SHANK1: variants seen among roughly 807,000 people sequenced by gnomAD.
SHANK1 encodes SH3 and multiple ankyrin repeat domains 1, also known as SH3 and multiple ankyrin repeat domains protein 1.
A neutral mutation model predicts 165.6 loss-of-function variants in SHANK1; 35 were observed. That is an observed-to-expected ratio of 0.21 (90% CI 0.16 to 0.28). SHANK1 has a LOEUF of 0.28. SHANK1 is among the 10% of genes least tolerant of loss of function. SHANK1 has a pLI of 1.00. For missense variants in SHANK1, 2,681 were observed against 3,036.4 expected (o/e 0.88, Z 2.75); for synonymous variants, 1,428 against 1,384.8 (o/e 1.03, Z -0.69).
In SHANK1 at chr19:50,702,690, G is replaced by A. The variant is rs760505615; in HGVS notation, c.1554-30C>T. ...GTACACAGAGGGCATGAGAGGAGGG[G>A]AGGGTGGAGGGAGGGGACACCTCTG... On this transcript the variant is annotated intron_variant, in intron 11 of 23. Transcript: ENST00000293441. The surrounding 1 kb of genome is among the most constrained non-coding windows in gnomAD (Gnocchi z 5.3). 64 of 1,475,936 alleles carry A rather than the reference G, an allele frequency of 4.3e-5. No individual in the cohort carries two copies. The highest frequency in any genetic ancestry group is 5.8e-5 in the Non-Finnish European group (64 of 1,095,214). The allele number at this position is 1,475,936 out of a possible 1,614,324, so 91.4% of individuals were successfully genotyped here.
chr19:50,700,828 G>A (rs1234996687), intron 12 of SHANK1, among the ~76,000 whole-genome samples: 2 of 151,946 alleles, frequency 1.3e-5, no homozygotes, highest in Admixed American at 6.6e-5. Flanking sequence ...CCAACCCCAC[G>A]TGCCTACATC....
At chr19:50,691,021 T>C (rs1043092631) in intron 15 of SHANK1, among the ~76,000 whole-genome samples, 16 of 152,084 alleles carry the variant, frequency 1.1e-4, no homozygotes, top group Non-Finnish European at 2.2e-4. Flanking sequence ...ACACCACGCA[T>C]GTTCACATGT....
chr19:50,697,769 C>A lies in SHANK1; in HGVS notation c.1861+74G>T. On this transcript the variant is annotated intron_variant, in intron 13 of 23. Transcript: ENST00000293441. This position sits in a 1 kb window ranked among gnomAD's most constrained non-coding sequence, Gnocchi z 4.7. ...TCCCATCTACCTCCCAGTACCCCACCCCCATTAGGAAGGGAAAGGAGTGGA... is the reference window on the plus strand; with the variant it reads ...TCCCATCTACCTCCCAGTACCCCACACCCATTAGGAAGGGAAAGGAGTGGA... 6.6e-7 allele frequency: 1 copy of A among 1,508,594 alleles called. No individual in the cohort carries two copies. The highest frequency in any genetic ancestry group is 9.2e-7 in the Non-Finnish European group (1 of 1,086,116). The allele number at this position is 1,508,594 out of a possible 1,614,324, so 93.5% of individuals were successfully genotyped here.
At chr19:50,676,429 C>T (rs546948214) in intron 21 of SHANK1, among the ~76,000 whole-genome samples, 1 of 152,148 alleles carries the variant, frequency 6.6e-6, no homozygotes, top group African/African-American at 2.4e-5. Context: ...GCAGGTGGAA[C>T]AGCAGGTGCA....
Position 50,662,335 on chromosome 19 carries a change from G to A in SHANK1, c.6116C>T (p.Pro2039Leu). 7 of 1,604,002 alleles carry A rather than the reference G, an allele frequency of 4.4e-6. No individual in the cohort carries two copies. The highest frequency in any genetic ancestry group is 6.0e-6 in the Non-Finnish European group (7 of 1,173,782). Residue 2039 changes from proline to leucine, a missense_variant, in exon 24 of 24, where the codon CCA (proline) becomes CTA (leucine). By Grantham distance (98) the Pro-to-Leu change is moderately conservative (BLOSUM62 -3). Transcript: ENST00000293441. The surrounding 1 kb of genome is among the most constrained non-coding windows in gnomAD (Gnocchi z 7.7). ...AGCCGAGCCTCCTGCCCCTCCAGTT[G>A]GGGAGCCACGGATGTCAAAGAGGCC... ...YPGLFDIRGSPTGGAGGSADP... is the reference protein window; with the variant it reads ...YPGLFDIRGSLTGGAGGSADP...
chr19:50,662,440 A>G lies in SHANK1; in HGVS notation c.6011T>C (p.Leu2004Pro), dbSNP rs761920863. ...GCTGACCTTGTGCTCCGAGGCGGGC[A>G]GCAGCGAGGGGCTGGGGGCCCGGCG... The part of the protein sequence containing the change: ...LLRRAPSPSL[L>P]PASEHKVSPA... The change falls in exon 24 of 24, where the codon CTG (leucine) becomes CCG (proline). Residue 2004 changes from leucine (L) to proline (P), a missense_variant. Around this residue, in one of 10 missense-constraint regions of SHANK1, gnomAD observed 1,713 missense variants for 1,630.2 expected, o/e 1.05. Coordinates refer to ENST00000293441, the MANE Select transcript of SHANK1 (RefSeq NM_016148.5). This position sits in a 1 kb window ranked among gnomAD's most constrained non-coding sequence, Gnocchi z 7.7. 1.3e-6 allele frequency: 2 copies of G among 1,554,978 alleles called. No individual in the cohort carries two copies. The highest frequency in any genetic ancestry group is 1.7e-6 in the Non-Finnish European group (2 of 1,151,088).
At chr19:50,669,368 A>G in intron 22 of SHANK1, 83 bp from the exon 23 acceptor site, 2 of 895,460 alleles carry the variant, frequency 2.2e-6, no homozygotes, top group South Asian at 3.1e-5. Flanking sequence ...CCGCAACAAT[A>G]CTAATGACAA....
intron 21 of SHANK1, among the ~76,000 whole-genome samples, chr19:50,672,487 T>C (rs1259218165): frequency 7.9e-6 from 1 of 126,528 alleles, no homozygotes. Flanking sequence ...GGTGGAGAGG[T>C]GGAGGCTACA....
intron 8 of SHANK1, among the ~76,000 whole-genome samples, chr19:50,708,582 C>T (rs2088972877): frequency 6.7e-6 from 1 of 149,778 alleles, no homozygotes; most frequent in Non-Finnish European, 1.5e-5. Flanking sequence ...AGTAGGTGCT[C>T]AAGGAACGTG....
intron 8 of SHANK1, among the ~76,000 whole-genome samples, chr19:50,705,863 G>C (rs2088932310): frequency 1.3e-5 from 2 of 152,098 alleles, no homozygotes; most frequent in South Asian, 4.1e-4. Flanking sequence ...GCTTTCAAAA[G>C]AGCCCAAGGT....
Position 50,716,014 on chromosome 19 carries a change from GAATCCTCCCC to G in SHANK1, c.459+251_459+260del, listed in dbSNP as rs1364191264. ...GTTCTAGAGTGCCTACTGTAATTGG[GAATCCTCCCC>G]CAATTTGATGGGTGAGGAGAAGCTT... On this transcript the variant is annotated intron_variant, in intron 3 of 23. Coordinates refer to ENST00000293441, the MANE Select transcript of SHANK1 (RefSeq NM_016148.5). This position sits in a 1 kb window ranked among gnomAD's most constrained non-coding sequence, Gnocchi z 8.4. 6.6e-6 allele frequency among the ~76,000 whole-genome samples: 1 copy of G among 152,160 alleles called. No homozygotes were observed. The highest frequency in any genetic ancestry group is 6.5e-5 in the Admixed American group (1 of 15,282).
rs2089068285 is a variant in SHANK1 at position 50,716,213 on chromosome 19, G to A, written c.459+62C>T. 2 of 1,489,884 alleles carry A rather than the reference G, an allele frequency of 1.3e-6. No homozygotes were observed. Among genetic ancestry groups the A allele is most frequent in the African/African-American group, 1.4e-5 (1 of 72,314 alleles). The allele number at this position is 1,489,884 out of a possible 1,614,324, so 92.3% of individuals were successfully genotyped here. The stretch of plus-strand genomic sequence containing the variant: ...TTTCGAGTGTGTTAAAAAGTGGGTG[G>A]GGGGCAGATGTGTTTTAGGGCATGC... On this transcript the variant is annotated intron_variant, in intron 3 of 23. Coordinates refer to ENST00000293441, the MANE Select transcript of SHANK1 (RefSeq NM_016148.5). This position sits in a 1 kb window ranked among gnomAD's most constrained non-coding sequence, Gnocchi z 8.4.
In SHANK1 at chr19:50,686,733, G is replaced by C; in HGVS notation, c.2458+11C>G. Reference sequence around the variant, plus strand: ...CCCGGCATCCCGAGGAGCAGGGCTGGGCCGTCTTACTGAGAGCCATCTGAT... The same window carrying C: ...CCCGGCATCCCGAGGAGCAGGGCTGCGCCGTCTTACTGAGAGCCATCTGAT... On this transcript the variant is annotated intron_variant, in intron 20 of 23. Coordinates refer to ENST00000293441, the MANE Select transcript of SHANK1 (RefSeq NM_016148.5). The surrounding 1 kb of genome is among the most constrained non-coding windows in gnomAD (Gnocchi z 5.7). 1 of 1,613,186 alleles carries C rather than the reference G, an allele frequency of 6.2e-7. No individual in the cohort carries two copies. The highest frequency in any genetic ancestry group is 8.5e-7 in the Non-Finnish European group (1 of 1,179,384).
At chr19:50,692,575 C>G (rs1986575321) in intron 15 of SHANK1, among the ~76,000 whole-genome samples, 2 of 151,498 alleles carry the variant, frequency 1.3e-5, no homozygotes, top group African/African-American at 2.4e-5. Context: ...CTATCCTACA[C>G]ATGCTCCATT....
intron 3 of SHANK1, 120 bp from the exon 4 acceptor site, chr19:50,715,850 G>A (rs918959651): frequency 1.5e-5 from 15 of 994,522 alleles, no homozygotes; most frequent in South Asian, 1.3e-4. Flanking sequence ...AGCTCAGGGT[G>A]GGAGTGAAAA....
intron 21 of SHANK1, among the ~76,000 whole-genome samples, chr19:50,673,328 G>A (rs371357548): frequency 6.6e-6 from 1 of 152,084 alleles, no homozygotes; most frequent in South Asian, 2.1e-4. Context: ...TCCTGCAGGC[G>A]GGACCCAGCC....
At chr19:50,663,011 T>C in intron 23 of SHANK1, 1 of 352,854 alleles carries the variant, frequency 2.8e-6, no homozygotes, top group South Asian at 3.1e-5. Context: ...CTAAGTGCTT[T>C]ACATGATTGC....
At position 50,688,994 on chromosome 19, in the gene SHANK1, G is replaced by A; in HGVS notation, c.2048-26C>T. The A allele has an allele frequency of 6.6e-7, 1 of 1,505,162 alleles. No individual in the cohort carries two copies. The highest frequency in any genetic ancestry group is 9.0e-7 in the Non-Finnish European group (1 of 1,108,168). The allele number at this position is 1,505,162 out of a possible 1,614,324, so 93.2% of individuals were successfully genotyped here. On this transcript the variant is annotated intron_variant, in intron 16 of 23. Transcript: ENST00000293441. This position sits in a 1 kb window ranked among gnomAD's most constrained non-coding sequence, Gnocchi z 6.7. ...CTGCAGACAGGGAGGAGCCGGCGGG[G>A]TCGGAGGGGAGGGGGTGGAGAGGCC...
At chr19:50,706,390 T>A (rs2088938978) in intron 8 of SHANK1, among the ~76,000 whole-genome samples, 1 of 152,074 alleles carries the variant, frequency 6.6e-6, no homozygotes, top group Admixed American at 6.5e-5. Context: ...GTCAATCACA[T>A]GGCACCCATC....
Sources: gnomAD v4.1 joint callset for allele counts (sites outside exome capture counted in the v4.1 genomes callset) on GRCh38, gnomAD v4.1.1 for gene constraint, gnomAD v4.1.1 regional missense constraint, Gnocchi (gnomAD v3.1) non-coding constraint, MANE v1.5 for transcripts, NCBI Gene and HGNC (gene_info 2026-07-23, HGNC 2026-07-21) for gene names.